The following CROCC2 variants were observed in gnomAD, a reference collection of about 807,000 sequenced individuals.
CROCC2 encodes ciliary rootlet coiled-coil, rootletin family member 2.
Under a neutral mutation model 177.6 loss-of-function variants are expected in CROCC2, and 163 were observed. That is an observed-to-expected ratio of 0.92 (90% CI 0.81 to 1.05). The LOEUF is 1.05. CROCC2 is among the 50% of genes least tolerant of loss of function. The pLI, the probability that CROCC2 is intolerant of heterozygous loss-of-function variation, is 0.00. For synonymous variants in CROCC2, 904 were observed against 787.3 expected, an observed-to-expected ratio of 1.15 and a Z score of -2.48; for missense variants, 1,929 against 1,797.8, an observed-to-expected ratio of 1.07 and a Z score of -1.32.
chr2:240,946,806 T>C (rs961135589), intron 15 of CROCC2, among the ~76,000 whole-genome samples: 1 of 152,230 alleles, frequency 6.6e-6, no homozygotes, highest in African/African-American at 2.4e-5. Flanking sequence ...GACATCCCTG[T>C]ACCAATCCTA....
intron 27 of CROCC2, 130 bp downstream of exon 27, chr2:240,968,392 G>A: frequency 8.0e-7 from 1 of 1,247,990 alleles, no homozygotes; most frequent in Non-Finnish European, 1.1e-6. Context: ...TTCTGTGGGT[G>A]TTCGGGGCTG....
intron 20 of CROCC2, 71 bp downstream of exon 20, chr2:240,959,515 G>A (rs2059617097): frequency 1.3e-6 from 2 of 1,502,048 alleles, no homozygotes; most frequent in South Asian, 1.3e-5. Context: ...TACCAAGAGA[G>A]GAGAGAGTGG....
At chr2:240,942,277 T>C (rs2059499429) in intron 14 of CROCC2, among the ~76,000 whole-genome samples, 1 of 152,214 alleles carries the variant, frequency 6.6e-6, no homozygotes, top group Non-Finnish European at 1.5e-5. Flanking sequence ...TTTTAAATGA[T>C]TATTTTTAAC....
intron 28 of CROCC2, among the ~76,000 whole-genome samples, chr2:240,984,635 A>G (rs2059824634): frequency 1.1e-5 from 1 of 87,016 alleles, no homozygotes; most frequent in Non-Finnish European, 2.1e-5. Flanking sequence ...ACACACACCC[A>G]GGCACTCACT....
Position 240,982,917 on chromosome 2 carries a change from G to A in CROCC2, c.4439G>A (p.Ser1480Asn). The A allele has an allele frequency of 1.3e-6, 2 of 1,550,352 alleles. No homozygotes were observed. Among genetic ancestry groups the A allele is most frequent in the Non-Finnish European group, 1.7e-6 (2 of 1,146,966 alleles). ...LETLRQALEE[S>N]RRHSQGLAKQ... ...ACGCTGCGCCAGGCTCTTGAAGAGA[G>A]CAGGAGGCACAGCCAAGGTCTGGCC... The change falls in exon 28 of 32, where the codon AGC (serine) becomes AAC (asparagine). Residue 1480 changes from serine to asparagine, a missense_variant. Ser to Asn is a conservative substitution (Grantham distance 46, BLOSUM62 1). This residue lies in a region of CROCC2 where 388 missense variants were observed against 352.7 expected (regional missense o/e 1.10). Coordinates refer to ENST00000690015, the MANE Select transcript of CROCC2 (RefSeq NM_001351305.2). This position sits in a 1 kb window ranked among gnomAD's most constrained non-coding sequence, Gnocchi z 4.7.
intron 26 of CROCC2, 142 bp downstream of exon 26, chr2:240,967,607 C>T (rs1213260906): frequency 2.0e-6 from 3 of 1,473,204 alleles, no homozygotes; most frequent in Non-Finnish European, 1.8e-6. Context: ...ACCCAAACCA[C>T]CAGGCCTGGC....
At chr2:240,954,398 G>A (rs1183563785) in intron 18 of CROCC2, among the ~76,000 whole-genome samples, 2 of 152,168 alleles carry the variant, frequency 1.3e-5, no homozygotes, top group Non-Finnish European at 2.9e-5. Context: ...GATTCTCTCA[G>A]GTTCAGCCAT....
At chr2:240,988,651 G>GGATGGTGT in intron 28 of CROCC2, 88 bp from the exon 29 acceptor site, 1 of 1,260,608 alleles carries the variant, frequency 7.9e-7, no homozygotes, top group South Asian at 3.0e-5. Flanking sequence ...GTCCTTCCCA[G>GGATGGTGT]AGGCAACCCT....
At chr2:240,935,835 G>C (rs893125871) in intron 14 of CROCC2, among the ~76,000 whole-genome samples, 2 of 152,222 alleles carry the variant, frequency 1.3e-5, no homozygotes, top group Non-Finnish European at 2.9e-5. Context: ...GGGAGCCCGG[G>C]CCTCAGGCCA....
chr2:240,973,023 A>C lies in CROCC2; in HGVS notation c.4401+4761A>C, dbSNP rs982193674. On this transcript the variant is annotated intron_variant, in intron 27 of 31. Transcript: ENST00000690015. The surrounding 1 kb of genome is among the most constrained non-coding windows in gnomAD (Gnocchi z 4.7). ...GCTGAGCAGGGGGGTGCTAGGGTCC[A>C]GTAGGGCAGGCCTGGTGCCTCTCCT... 6.6e-6 allele frequency among the ~76,000 whole-genome samples: 1 copy of C among 152,106 alleles called. No homozygotes were observed. The highest frequency in any genetic ancestry group is 2.1e-4 in the South Asian group (1 of 4,832).
chr2:240,950,777 A>G (rs1015866730), intron 18 of CROCC2: 4 of 442,958 alleles, frequency 9.0e-6, no homozygotes, highest in Non-Finnish European at 1.2e-5. Flanking sequence ...CCATCCATCC[A>G]TCTCTCCATC....
chr2:240,964,545 A>G lies in CROCC2; in HGVS notation c.3385A>G (p.Ser1129Gly), dbSNP rs1200699996. Residue 1129 changes from serine to glycine, a missense_variant, in exon 22 of 32, where the codon AGT becomes GGT. By Grantham distance (56) the Ser-to-Gly change is moderately conservative. Transcript: ENST00000690015. Reference sequence around the variant, plus strand: ...CCAGGCGGCGTTGCAGCAGGAGGCCAGTGCACTGCGGGCCCACCTGTGGGA... The same window carrying G: ...CCAGGCGGCGTTGCAGCAGGAGGCCGGTGCACTGCGGGCCCACCTGTGGGA... Reference protein sequence around the residue: ...EAQAALQQEASALRAHLWELE... With the variant: ...EAQAALQQEAGALRAHLWELE... 6.5e-7 allele frequency: 1 copy of G among 1,549,602 alleles called. No individual in the cohort carries two copies.
At chr2:240,959,676 T>A in intron 20 of CROCC2, 1 of 469,182 alleles carries the variant, frequency 2.1e-6, no homozygotes, top group South Asian at 4.5e-5. Flanking sequence ...GATGAAATGG[T>A]GCCTGGCCCA....
chr2:240,952,753 G>A (rs767056826), intron 18 of CROCC2, among the ~76,000 whole-genome samples: 12 of 152,196 alleles, frequency 7.9e-5, no homozygotes, highest in South Asian at 2.1e-4. Context: ...CAGGTGATAG[G>A]GAGCCAGTGG....
chr2:240,921,212 C>A (rs927032316), intron 3 of CROCC2, among the ~76,000 whole-genome samples: 1 of 152,196 alleles, frequency 6.6e-6, no homozygotes, highest in African/African-American at 2.4e-5. Context: ...CAGCACCAGC[C>A]CCACAGCGGT....
intron 18 of CROCC2, among the ~76,000 whole-genome samples, chr2:240,952,984 G>A (rs1166208719): frequency 6.6e-6 from 1 of 152,176 alleles, no homozygotes; most frequent in Non-Finnish European, 1.5e-5. Flanking sequence ...GGGAGTGGGT[G>A]GCCCGTCAAG....
intron 1 of CROCC2, among the ~76,000 whole-genome samples, chr2:240,910,337 AAGCCCAGTCCCCTC>A (rs1268785204): frequency 8.7e-5 from 5 of 57,800 alleles, no homozygotes; most frequent in Non-Finnish European, 2.4e-4. Flanking sequence ...CCAGCACAGA[AAGCCCAGTCCCCTC>A]AGAGCTGGGG....
Position 240,974,052 on chromosome 2 carries a change from A to G in CROCC2, c.4401+5790A>G, listed in dbSNP as rs77933434. On this transcript the variant is annotated intron_variant, in intron 27 of 31. Transcript: ENST00000690015. The stretch of plus-strand genomic sequence containing the variant: ...GAGTGTAACTTATCTTACACATTCA[A>G]TACGTTGCCAAAGACCTGCACATAC... 7.9e-5 allele frequency among the ~76,000 whole-genome samples: 12 copies of G among 152,308 alleles called. No homozygotes were observed. In the East Asian group the frequency reaches 2.3e-3, roughly 29 times the overall value.
At chr2:240,983,230 G>A in intron 28 of CROCC2, 1 of 865,750 alleles carries the variant, frequency 1.2e-6, no homozygotes, top group Non-Finnish European at 1.7e-6. Flanking sequence ...AACTGAGCCT[G>A]GAGGGGCCCA....
Sources: gnomAD v4.1 joint callset for allele counts (sites outside exome capture counted in the v4.1 genomes callset) on GRCh38, gnomAD v4.1.1 for gene constraint, gnomAD v4.1.1 regional missense constraint, Gnocchi (gnomAD v3.1) non-coding constraint, MANE v1.5 for transcripts, NCBI Gene and HGNC (gene_info 2026-07-23, HGNC 2026-07-21) for gene names.